Variants in CAMK2D observed in about 807,000 individuals in gnomAD.
CAMK2D encodes the protein calcium/calmodulin-dependent protein kinase type II subunit delta.
A neutral mutation model predicts 84.0 loss-of-function variants in CAMK2D; 37 were observed. That is an observed-to-expected ratio of 0.44 (90% CI 0.34 to 0.58). The LOEUF (loss-of-function observed/expected upper bound fraction) is 0.58. Among genes scored for constraint, CAMK2D ranks in the 20% least tolerant of loss-of-function variants. The pLI is 0.02. For missense variants in CAMK2D, 448 were observed against 652.5 expected (o/e 0.69, Z 3.41); for synonymous variants, 202 against 212.5 (o/e 0.95, Z 0.43).
In CAMK2D at chr4:113,758,202, C is replaced by A. The variant is rs536491876; in HGVS notation, c.160+1118G>T. Among the ~76,000 whole-genome samples, 3 of 152,246 alleles carry A rather than the reference C, an allele frequency of 2.0e-5. No individual in the cohort carries two copies. In the East Asian group the frequency reaches 5.8e-4, roughly 29 times the overall value. On this transcript the variant is annotated intron_variant, in intron 2 of 20. Transcript: ENST00000511664. ...TCTCATTAGTTTTCATACCATGATT[C>A]TATGGTGCTGGTTACTTTATAGATC... is the stretch of plus-strand genomic sequence containing the variant.
chr4:113,457,094 A>T, intron 19 of CAMK2D: 2 of 895,810 alleles, frequency 2.2e-6, no homozygotes, highest in Non-Finnish European at 3.0e-6. Context: ...TTGATCACGT[A>T]GTCTCTCGTC....
intron 2 of CAMK2D, among the ~76,000 whole-genome samples, chr4:113,694,348 C>T (rs1446808827): frequency 6.6e-6 from 1 of 152,030 alleles, no homozygotes; most frequent in Admixed American, 6.6e-5. Context: ...ATGAAGCTGC[C>T]CTTTATTAAG....
intron 2 of CAMK2D, among the ~76,000 whole-genome samples, chr4:113,666,764 T>C (rs1007799940): frequency 6.6e-6 from 1 of 152,160 alleles, no homozygotes; most frequent in Non-Finnish European, 1.5e-5. Context: ...GAGTTGCCCA[T>C]GGGAGCATGA....
chr4:113,711,752 G>A (rs778232418), intron 2 of CAMK2D, among the ~76,000 whole-genome samples: 11 of 152,006 alleles, frequency 7.2e-5, no homozygotes, highest in East Asian at 1.9e-4. Context: ...AACTCTCCAC[G>A]GTGACATCTC....
At position 113,611,968 on chromosome 4, in the gene CAMK2D, T is replaced by A. The variant is rs1312352540; in HGVS notation, c.221-2762A>T. On this transcript the variant is annotated intron_variant, in intron 3 of 20. Coordinates refer to ENST00000511664, the MANE Select transcript of CAMK2D (RefSeq NM_001321571.2). ...TATTTACTTGGGATTAATATATACATATTTCCTTCCTTCCTTTATTCCTTC... is the reference window on the plus strand; with the variant it reads ...TATTTACTTGGGATTAATATATACAAATTTCCTTCCTTCCTTTATTCCTTC... Among the ~76,000 whole-genome samples, 8 of 152,184 alleles carry A rather than the reference T, an allele frequency of 5.3e-5. No homozygotes were observed. The East Asian group carries it at 1.5e-3, about 29-fold the overall frequency.
At chr4:113,602,387 A>C (rs1591779592) in intron 4 of CAMK2D, among the ~76,000 whole-genome samples, 1 of 152,174 alleles carries the variant, frequency 6.6e-6, no homozygotes, top group African/African-American at 2.4e-5. Flanking sequence ...TTTTTGCTGA[A>C]GGCAATTGTG....
At chr4:113,662,839 C>T (rs2099240055) in intron 2 of CAMK2D, among the ~76,000 whole-genome samples, 1 of 152,204 alleles carries the variant, frequency 6.6e-6, no homozygotes, top group South Asian at 2.1e-4. Flanking sequence ...AAGAGAGTTT[C>T]TGGCACTCCC....
At chr4:113,756,102 G>T (rs181527263) in intron 2 of CAMK2D, among the ~76,000 whole-genome samples, 1 of 152,016 alleles carries the variant, frequency 6.6e-6, no homozygotes, top group African/African-American at 2.4e-5. Context: ...AATTGACTCA[G>T]AGTTCCCCAA....
chr4:113,690,050 G>C (rs1203586618), intron 2 of CAMK2D, among the ~76,000 whole-genome samples: 1 of 152,094 alleles, frequency 6.6e-6, no homozygotes, highest in Non-Finnish European at 1.5e-5. Flanking sequence ...GGTGACATAA[G>C]AGAACCTCCA....
intron 2 of CAMK2D, among the ~76,000 whole-genome samples, chr4:113,668,065 G>C (rs750879295): frequency 1.3e-5 from 2 of 151,916 alleles, no homozygotes; most frequent in Non-Finnish European, 2.9e-5. Context: ...GTCCAACCTT[G>C]ATTCTATATG....
chr4:113,586,963 A>C (rs959049028), intron 4 of CAMK2D, among the ~76,000 whole-genome samples: 1 of 152,214 alleles, frequency 6.6e-6, no homozygotes, highest in Non-Finnish European at 1.5e-5. Context: ...TTTTAAGGAA[A>C]GAGATAAAAA....
rs935904503 is a variant in CAMK2D at position 113,750,661 on chromosome 4, A to G, written c.160+8659T>C. ...GATCTAATGATGAGCTGAATAAACGAATAAAAAATGTGCAACTATTATCTA... is the reference window on the plus strand; with the variant it reads ...GATCTAATGATGAGCTGAATAAACGGATAAAAAATGTGCAACTATTATCTA... On this transcript the variant is annotated intron_variant, in intron 2 of 20. Transcript: ENST00000511664. Among the ~76,000 whole-genome samples, 9 of 152,302 alleles carry G rather than the reference A, an allele frequency of 5.9e-5. No individual in the cohort carries two copies. In the East Asian group the frequency reaches 1.7e-3, roughly 29 times the overall value.
At chr4:113,678,002 A>G (rs752211894) in intron 2 of CAMK2D, among the ~76,000 whole-genome samples, 7 of 152,166 alleles carry the variant, frequency 4.6e-5, no homozygotes, top group Non-Finnish European at 1.0e-4. Flanking sequence ...AGATTTTTTA[A>G]AGCTATCTAT....
At chr4:113,643,729 T>C (rs1053337393) in intron 3 of CAMK2D, among the ~76,000 whole-genome samples, 1 of 152,228 alleles carries the variant, frequency 6.6e-6, no homozygotes, top group East Asian at 1.9e-4. Context: ...TGGATTTGGC[T>C]CTTTGCCTTG....
intron 15 of CAMK2D, among the ~76,000 whole-genome samples, chr4:113,500,967 G>A (rs1213578233): frequency 1.3e-5 from 2 of 151,950 alleles, no homozygotes; most frequent in African/African-American, 4.8e-5. Context: ...CTATGTTAAG[G>A]CCTGTATGCC....
chr4:113,492,498 T>C (rs1055510178), intron 16 of CAMK2D, among the ~76,000 whole-genome samples: 9 of 152,238 alleles, frequency 5.9e-5, no homozygotes, highest in Non-Finnish European at 1.3e-4. Flanking sequence ...TGCACTGTGG[T>C]CTGAGAGATA....
At chr4:113,751,536 C>A (rs1345665557) in intron 2 of CAMK2D, among the ~76,000 whole-genome samples, 2 of 152,090 alleles carry the variant, frequency 1.3e-5, no homozygotes, top group African/African-American at 4.8e-5. Flanking sequence ...CTTTGGAAGG[C>A]CTAAGTGGGT....
chr4:113,506,452 CT>C (rs968842815), intron 13 of CAMK2D, among the ~76,000 whole-genome samples: 7 of 151,894 alleles, frequency 4.6e-5, no homozygotes, highest in South Asian at 4.2e-4. Flanking sequence ...TAGTTAAAAC[CT>C]TTTTTTTCCT....
chr4:113,680,629 T>C (rs981948623), intron 2 of CAMK2D, among the ~76,000 whole-genome samples: 2 of 152,200 alleles, frequency 1.3e-5, no homozygotes, highest in African/African-American at 4.8e-5. Flanking sequence ...GGTAAGTTCC[T>C]CTTAGGAATT....
Sources: allele counts gnomAD v4.1 joint callset (sites outside exome capture counted in the v4.1 genomes callset), GRCh38; gene constraint gnomAD v4.1.1; transcripts MANE v1.5; gene names NCBI Gene and HGNC (gene_info 2026-07-23, HGNC 2026-07-21).